The following ATXN1 variants were observed in gnomAD, a reference collection of about 807,000 sequenced individuals.
ATXN1 encodes the protein ataxin-1.
In ATXN1, 8 loss-of-function variants were observed where a neutral mutation model predicts 56.4. The observed-to-expected ratio is 0.14, with a 90% CI of 0.08 to 0.26. The LOEUF is 0.26. Ranked by LOEUF, ATXN1 falls within the 10% of genes least tolerant of loss-of-function variation. ATXN1 has a pLI of 1.00. For missense variants in ATXN1, 987 were observed against 1,106.5 expected (o/e 0.89, Z 1.53); for synonymous variants, 514 against 494.6 (o/e 1.04, Z -0.52).
intron 6 of ATXN1, among the ~76,000 whole-genome samples, chr6:16,388,606 T>C (rs190840512): frequency 2.2e-4 from 33 of 152,370 alleles, no homozygotes; most frequent in Admixed American, 2.2e-3. Flanking sequence ...TCACATGTGA[T>C]TTCTATCAGC....
At chr6:16,443,934 G>A (rs1373111086) in intron 6 of ATXN1, among the ~76,000 whole-genome samples, 3 of 152,140 alleles carry the variant, frequency 2.0e-5, no homozygotes, top group Non-Finnish European at 2.9e-5. Flanking sequence ...GGCTAACACA[G>A]TGAAACCCCG....
chr6:16,497,911 A>G (rs939245518), intron 5 of ATXN1, among the ~76,000 whole-genome samples: 2 of 152,210 alleles, frequency 1.3e-5, no homozygotes, highest in African/African-American at 4.8e-5. Context: ...GGAATCACAA[A>G]GGGTAAAATG....
intron 2 of ATXN1, among the ~76,000 whole-genome samples, chr6:16,742,783 T>C (rs914019313): frequency 5.9e-5 from 9 of 152,330 alleles, no homozygotes; most frequent in Middle Eastern, 3.4e-3. Flanking sequence ...ACCGGTTTCA[T>C]ACTTGACGAG....
rs1029357563 is a variant in ATXN1 at position 16,666,472 on chromosome 6, T to C, written c.-614-8571A>G. 6.0e-5 allele frequency: 10 copies of C among 166,534 alleles called. No homozygotes were observed. The Admixed American group carries it at 6.4e-4, about 11-fold the overall frequency. The allele number at this position is 166,534 out of a possible 1,614,324, so 10.3% of individuals were successfully genotyped here. Reference sequence around the variant, plus strand: ...GAGTGCAGGTATCTCTTCAATATACTGATTTCCTTTCTTCTGGATATATAC... The same window carrying C: ...GAGTGCAGGTATCTCTTCAATATACCGATTTCCTTTCTTCTGGATATATAC... On this transcript the variant is annotated intron_variant, in intron 2 of 7. Coordinates refer to ENST00000436367, the MANE Select transcript of ATXN1 (RefSeq NM_001128164.2).
At chr6:16,483,438 A>G (rs1760478639) in intron 6 of ATXN1, among the ~76,000 whole-genome samples, 1 of 152,230 alleles carries the variant, frequency 6.6e-6, no homozygotes, top group African/African-American at 2.4e-5. Context: ...GCAGGACACT[A>G]AACCCAGGAA....
chr6:16,541,314 G>A (rs751767185), intron 4 of ATXN1, among the ~76,000 whole-genome samples: 1 of 152,194 alleles, frequency 6.6e-6, no homozygotes, highest in Non-Finnish European at 1.5e-5. Flanking sequence ...ACCCATTTAC[G>A]ACTCTGACCC....
chr6:16,401,058 G>C (rs1758559430), intron 6 of ATXN1, among the ~76,000 whole-genome samples: 1 of 152,170 alleles, frequency 6.6e-6, no homozygotes, highest in South Asian at 2.1e-4. Context: ...TTATTTTAAA[G>C]TGTCCAGTGT....
intron 5 of ATXN1, among the ~76,000 whole-genome samples, chr6:16,521,128 A>C (rs1000369158): frequency 2.6e-5 from 4 of 152,186 alleles, no homozygotes. Flanking sequence ...GATGTCTAAA[A>C]AAACAAACAA....
intron 5 of ATXN1, among the ~76,000 whole-genome samples, chr6:16,521,254 C>T (rs1581818095): frequency 6.6e-6 from 1 of 152,322 alleles, no homozygotes; most frequent in East Asian, 1.9e-4. Flanking sequence ...TAAAAACCAA[C>T]ATAACTTTAA....
intron 2 of ATXN1, among the ~76,000 whole-genome samples, chr6:16,751,115 C>T (rs547853608): frequency 4.7e-4 from 72 of 152,016 alleles, no homozygotes; most frequent in Admixed American, 1.6e-3. Flanking sequence ...ATTACAGGAA[C>T]CTGCCACAAT....
rs996885707 is a variant in ATXN1 at position 16,760,550 on chromosome 6, G to C, written c.-730+748C>G. Among the ~76,000 whole-genome samples, 1 of 149,724 alleles carries C rather than the reference G, an allele frequency of 6.7e-6. No homozygotes were observed. Among genetic ancestry groups the C allele is most frequent in the African/African-American group, 2.4e-5 (1 of 40,948 alleles). ...CACCCGCTACCCCCGCGCGGTCCCC[G>C]AGGCCACCCCTCTGCGCCCCCCGCC... On this transcript the variant is annotated intron_variant, in intron 1 of 7. Transcript: ENST00000436367. This position sits in a 1 kb window ranked among gnomAD's most constrained non-coding sequence, Gnocchi z 5.3.
At chr6:16,579,028 G>A (rs1014288711) in intron 4 of ATXN1, among the ~76,000 whole-genome samples, 1 of 152,162 alleles carries the variant, frequency 6.6e-6, no homozygotes, top group Non-Finnish European at 1.5e-5. Flanking sequence ...TGTCATATAA[G>A]TACTGCAGCT....
chr6:16,731,080 C>G (rs10484366), intron 2 of ATXN1, among the ~76,000 whole-genome samples: 2 of 152,118 alleles, frequency 1.3e-5, no homozygotes, highest in Non-Finnish European at 2.9e-5. Flanking sequence ...ATGTAAAACT[C>G]CCTGAAAGAC....
At chr6:16,656,088 C>CAAAAAAAA (rs35745288) in intron 3 of ATXN1, among the ~76,000 whole-genome samples, 1 of 125,680 alleles carries the variant, frequency 8.0e-6, no homozygotes, top group Non-Finnish European at 1.7e-5. Flanking sequence ...GACTCCATCT[C>CAAAAAAAA]AAAAAAAAAA....
intron 2 of ATXN1, among the ~76,000 whole-genome samples, chr6:16,697,603 C>G (rs1218110394): frequency 6.6e-6 from 1 of 151,192 alleles, no homozygotes. Flanking sequence ...CGCCCCTCCC[C>G]CACCCTCTTC....
At chr6:16,554,608 C>T (rs956251282) in intron 4 of ATXN1, among the ~76,000 whole-genome samples, 3 of 152,144 alleles carry the variant, frequency 2.0e-5, no homozygotes, top group African/African-American at 4.8e-5. Context: ...CCCGCCACCA[C>T]GCCCGGCTAA....
intron 3 of ATXN1, among the ~76,000 whole-genome samples, chr6:16,626,043 G>A (rs1763400789): frequency 6.6e-6 from 1 of 152,120 alleles, no homozygotes; most frequent in Non-Finnish European, 1.5e-5. Flanking sequence ...TTAAATGTCT[G>A]CCTTTCCTGA....
intron 4 of ATXN1, among the ~76,000 whole-genome samples, chr6:16,554,055 A>G (rs779980156): frequency 2.0e-5 from 3 of 152,228 alleles, no homozygotes; most frequent in Non-Finnish European, 2.9e-5. Flanking sequence ...AAAGAAGAAG[A>G]TATCTTTTAT....
At chr6:16,521,452 G>C (rs571959958) in intron 5 of ATXN1, among the ~76,000 whole-genome samples, 1 of 152,346 alleles carries the variant, frequency 6.6e-6, no homozygotes, top group South Asian at 2.1e-4. Context: ...CAGCTACTCA[G>C]GAGGCTGAGG....
Sources: gnomAD v4.1 joint callset for allele counts (sites outside exome capture counted in the v4.1 genomes callset) on GRCh38, gnomAD v4.1.1 for gene constraint, Gnocchi (gnomAD v3.1) non-coding constraint, MANE v1.5 for transcripts, NCBI Gene and HGNC (gene_info 2026-07-23, HGNC 2026-07-21) for gene names.